Variants in NRXN3 observed in about 807,000 individuals in gnomAD.
The protein encoded by NRXN3 is neurexin 3.
NRXN3 carries 32 observed loss-of-function variants against 137.6 expected under a neutral mutation model. The ratio of observed to expected loss-of-function variants is 0.23; its 90% CI spans 0.18 to 0.31. NRXN3 has a LOEUF of 0.31. Ranked by LOEUF, NRXN3 falls within the 10% of genes least tolerant of loss-of-function variation. The pLI, the probability that NRXN3 is intolerant of heterozygous loss-of-function variation, is 1.00. For synonymous variants in NRXN3, 798 were observed against 784.5 expected (o/e 1.02, Z -0.29); for missense variants, 1,574 against 2,062.5 (o/e 0.76, Z 4.59).
intron 15 of NRXN3, among the ~76,000 whole-genome samples, chr14:79,153,945 T>A (rs1385690542): frequency 6.6e-6 from 1 of 151,960 alleles, no homozygotes; most frequent in Non-Finnish European, 1.5e-5. Flanking sequence ...ATGACACTCC[T>A]TGCATTGCCT....
intron 16 of NRXN3, among the ~76,000 whole-genome samples, chr14:79,485,582 C>T (rs1216228104): frequency 6.6e-6 from 1 of 152,092 alleles, no homozygotes; most frequent in Non-Finnish European, 1.5e-5. Context: ...CTTTGTAGCA[C>T]TCCTTTTGTG....
At position 79,744,803 on chromosome 14, in the gene NRXN3, G is replaced by A. The variant is rs2098974207; in HGVS notation, c.4014+46866G>A. Among the ~76,000 whole-genome samples the A allele has an allele frequency of 2.0e-5, 3 of 152,066 alleles. No homozygotes were observed. In the South Asian group the frequency reaches 6.2e-4, roughly 32 times the overall value. ...TATATTGTTAAGAATAATGGATGTT[G>A]GAGAAAGTCAGGACAAAAGTAGGTA... On this transcript the variant is annotated intron_variant, in intron 19 of 20. Transcript: ENST00000335750.
intron 15 of NRXN3, among the ~76,000 whole-genome samples, chr14:79,207,626 ACC>A (rs145244409): frequency 7.5e-4 from 114 of 152,220 alleles, no homozygotes; most frequent in African/African-American, 2.7e-3. Context: ...ACCGGAATGT[ACC>A]CTCTCTACTT....
rs181257794 is a variant in NRXN3, at chr14:78,627,941, G to T, written c.758-17179G>T. 2.9e-3 allele frequency among the ~76,000 whole-genome samples: 446 copies of T among 152,220 alleles called. 1 individual carries two copies. The highest frequency in any genetic ancestry group is 4.3e-3 in the Non-Finnish European group (292 of 68,008). ...AGGTAAACCCAAAGTCAAAGCCCTT[G>T]GAACTCATCCAAATAGCCTATGCAA... On this transcript the variant is annotated intron_variant, in intron 4 of 20. Transcript: ENST00000335750.
At chr14:79,521,621 T>G (rs78778389) in intron 16 of NRXN3, among the ~76,000 whole-genome samples, 2,441 of 152,276 alleles carry the variant, frequency 0.016, 37 homozygotes, top group East Asian at 0.075. Flanking sequence ...GTTGATACTT[T>G]ATATATTATC....
rs189343048 is a variant in NRXN3 at position 79,605,480 on chromosome 14, A to G, written c.3445-58298A>G. Among the ~76,000 whole-genome samples the G allele has an allele frequency of 7.6e-4, 115 of 152,072 alleles. No individual in the cohort carries two copies. The Middle Eastern group carries it at 0.017, about 22-fold the overall frequency. On this transcript the variant is annotated intron_variant, in intron 16 of 20. Coordinates refer to ENST00000335750, the MANE Select transcript of NRXN3 (RefSeq NM_001330195.2). ...CCTGGAGTCTTTGCAGATGCTGTCA[A>G]GATACTGCACTTTTTTTTCTTTTTT...
At chr14:79,704,042 G>A (rs940003510) in intron 19 of NRXN3, among the ~76,000 whole-genome samples, 1 of 152,080 alleles carries the variant, frequency 6.6e-6, no homozygotes, top group Admixed American at 6.6e-5. Context: ...AAGGGCCCCA[G>A]ATTGAATCAG....
At chr14:78,221,273 G>A (rs1440765158) in intron 1 of NRXN3, among the ~76,000 whole-genome samples, 2 of 152,170 alleles carry the variant, frequency 1.3e-5, no homozygotes, top group Non-Finnish European at 2.9e-5. Context: ...AGCAAGGAGG[G>A]TTAGGAAGAG....
At chr14:78,484,967 G>C (rs1336310187) in intron 4 of NRXN3, among the ~76,000 whole-genome samples, 1 of 152,172 alleles carries the variant, frequency 6.6e-6, no homozygotes, top group Non-Finnish European at 1.5e-5. Context: ...AATGAACCTT[G>C]CCAGCACACT....
chr14:79,791,498 A>C (rs962472505), intron 19 of NRXN3, among the ~76,000 whole-genome samples: 1 of 143,878 alleles, frequency 7.0e-6, no homozygotes, highest in African/African-American at 2.6e-5. Context: ...ATAATTAATT[A>C]TATATTGTAA....
chr14:78,672,238 G>A (rs1222660172), intron 6 of NRXN3, among the ~76,000 whole-genome samples: 2 of 152,196 alleles, frequency 1.3e-5, no homozygotes, highest in African/African-American at 4.8e-5. Context: ...CCTAAATGCT[G>A]TTCTTCTCTA....
intron 15 of NRXN3, among the ~76,000 whole-genome samples, chr14:79,215,591 C>T (rs1157418512): frequency 6.6e-6 from 1 of 152,094 alleles, no homozygotes; most frequent in African/African-American, 2.4e-5. Context: ...AAAGTGGTCT[C>T]CTCTTATAAA....
intron 14 of NRXN3, among the ~76,000 whole-genome samples, chr14:78,985,020 C>T (rs2153057632): frequency 6.6e-6 from 1 of 152,358 alleles, no homozygotes. Context: ...TCTGATTCTA[C>T]ATGGCCTTTG....
chr14:79,265,194 C>T (rs1417029390), intron 15 of NRXN3, among the ~76,000 whole-genome samples: 1 of 147,958 alleles, frequency 6.8e-6, no homozygotes, highest in South Asian at 2.1e-4. Context: ...ATCTCTTCCA[C>T]ATCTGGTAAG....
chr14:78,254,829 T>TTTTCC (rs1427817118), intron 2 of NRXN3, among the ~76,000 whole-genome samples: 2 of 152,144 alleles, frequency 1.3e-5, no homozygotes, highest in Non-Finnish European at 2.9e-5. Context: ...AGTAGTATTT[T>TTTTCC]TTTTCTTTTC....
chr14:79,162,884 C>T (rs2060928499), intron 15 of NRXN3, among the ~76,000 whole-genome samples: 1 of 151,878 alleles, frequency 6.6e-6, no homozygotes, highest in African/African-American at 2.4e-5. Context: ...TGCCTATCCT[C>T]ATTTCTCTTT....
chr14:79,182,219 C>T (rs957148966), intron 15 of NRXN3, among the ~76,000 whole-genome samples: 6 of 151,758 alleles, frequency 4.0e-5, no homozygotes, highest in African/African-American at 9.7e-5. Context: ...CCAGTTTCAC[C>T]GAAGATAATT....
At chr14:78,191,064 A>C (rs765530197) in intron 1 of NRXN3, among the ~76,000 whole-genome samples, 1 of 152,168 alleles carries the variant, frequency 6.6e-6, no homozygotes, top group Non-Finnish European at 1.5e-5. Context: ...TTTCCTCAGA[A>C]AAGTACAAGG....
chr14:78,691,952 G>A (rs150772875), intron 6 of NRXN3, among the ~76,000 whole-genome samples: 230 of 152,220 alleles, frequency 1.5e-3, no homozygotes, highest in African/African-American at 5.4e-3. Context: ...ATAAGAATGG[G>A]GAAAACAGTG....
Sources: allele counts gnomAD v4.1 joint callset (sites outside exome capture counted in the v4.1 genomes callset), GRCh38; gene constraint gnomAD v4.1.1; transcripts MANE v1.5; gene names NCBI Gene and HGNC (gene_info 2026-07-23, HGNC 2026-07-21).